Variants in DACH2 observed in about 807,000 individuals in gnomAD.
DACH2 encodes the protein dachshund family transcription factor 2.
Under a neutral mutation model 35.8 loss-of-function variants are expected in DACH2, and 17 were observed. That is an observed-to-expected ratio of 0.48 (90% CI 0.33 to 0.71). The LOEUF is 0.71. Among genes scored for constraint, DACH2 ranks in the 30% least tolerant of loss-of-function variants. DACH2 has a pLI of 0.02. For synonymous variants in DACH2, 195 were observed against 177.3 expected (o/e 1.10, Z -0.79); for missense variants, 469 against 472.7 (o/e 0.99, Z 0.07).
chrX:86,499,964 A>C (rs1238088313), intron 2 of DACH2, among the ~76,000 whole-genome samples: 1 of 111,298 alleles, frequency 9.0e-6, no homozygotes, highest in Non-Finnish European at 1.9e-5. Context: ...AGCTACCAAC[A>C]TGAGGTCCTC....
chrX:86,187,470 G>A (rs2031715534), intron 1 of DACH2, among the ~76,000 whole-genome samples: 1 of 106,358 alleles, frequency 9.4e-6, no homozygotes, highest in Admixed American at 1.0e-4. Context: ...CAGGCTAGAG[G>A]ACAGTGGTGG....
At chrX:86,700,164 T>G (rs2041124209) in intron 5 of DACH2, among the ~76,000 whole-genome samples, 1 of 111,538 alleles carries the variant, frequency 9.0e-6, no homozygotes, top group African/African-American at 3.3e-5. Context: ...TTCTGAGATT[T>G]TTTTATATTT....
chrX:86,794,926 A>C (rs183492179), intron 7 of DACH2, among the ~76,000 whole-genome samples: 1 of 111,886 alleles, frequency 8.9e-6, no homozygotes, highest in East Asian at 2.8e-4. Flanking sequence ...ATGGTGGTTG[A>C]GAATCATAGG....
At chrX:86,383,081 C>G (rs1485959757) in intron 2 of DACH2, among the ~76,000 whole-genome samples, 1 of 110,710 alleles carries the variant, frequency 9.0e-6, no homozygotes, top group Non-Finnish European at 1.9e-5. Flanking sequence ...CAGATGCTAC[C>G]TATCCTATGT....
chrX:86,399,706 G>A (rs1474680991), intron 2 of DACH2, among the ~76,000 whole-genome samples: 15 of 111,504 alleles, frequency 1.3e-4, no homozygotes, highest in Non-Finnish European at 2.4e-4. Context: ...TTGAATATTG[G>A]CCCCCACTCT....
At chrX:86,624,332 T>TA (rs1445329561) in intron 3 of DACH2, among the ~76,000 whole-genome samples, 11 of 111,925 alleles carry the variant, frequency 9.8e-5, no homozygotes, top group Admixed American at 4.8e-4. Flanking sequence ...ATTGCTTTTT[T>TA]AAAAAATGTG....
intron 11 of DACH2, among the ~76,000 whole-genome samples, chrX:86,825,434 AAAG>A (rs1274870712): frequency 9.0e-5 from 10 of 111,454 alleles, no homozygotes; most frequent in African/African-American, 2.9e-4. Flanking sequence ...AAAAAGGAAA[AAAG>A]AAGAAGAAAA....
At chrX:86,546,500 T>TTC (rs1210348147) in intron 3 of DACH2, among the ~76,000 whole-genome samples, 38 of 67,241 alleles carry the variant, frequency 5.7e-4, no homozygotes, top group Non-Finnish European at 6.4e-4. Flanking sequence ...CTTCTTCTTC[T>TTC]TTCTTTTTTT....
chrX:86,396,945 A>G (rs1344537019), intron 2 of DACH2, among the ~76,000 whole-genome samples: 4 of 110,981 alleles, frequency 3.6e-5, no homozygotes, highest in Non-Finnish European at 7.6e-5. Flanking sequence ...TGGTAGCTTG[A>G]TGGGGATGGC....
intron 3 of DACH2, among the ~76,000 whole-genome samples, chrX:86,646,840 AAT>A (rs201690083): frequency 9.2e-6 from 1 of 108,948 alleles, no homozygotes. Context: ...TAAATAAATA[AAT>A]ATATATATAG....
At chrX:86,556,679 G>A (rs1053759763) in intron 3 of DACH2, among the ~76,000 whole-genome samples, 9 of 99,463 alleles carry the variant, frequency 9.0e-5, no homozygotes, top group Non-Finnish European at 1.2e-4. Flanking sequence ...TCTGCATATG[G>A]GTCATTGGGA....
At chrX:86,159,523 T>G (rs1421134229) in intron 1 of DACH2, among the ~76,000 whole-genome samples, 1 of 112,139 alleles carries the variant, frequency 8.9e-6, no homozygotes, top group East Asian at 2.8e-4. Flanking sequence ...AATTACTCCA[T>G]AGTACATTTT....
intron 3 of DACH2, among the ~76,000 whole-genome samples, chrX:86,644,747 C>A (rs1011193070): frequency 4.5e-5 from 5 of 110,617 alleles, no homozygotes; most frequent in African/African-American, 1.6e-4. Context: ...ATAGAGAGTG[C>A]AGAAATAACA....
At chrX:86,722,421 T>C (rs184839842) in intron 6 of DACH2, among the ~76,000 whole-genome samples, 112 of 111,829 alleles carry the variant, frequency 1.0e-3, no homozygotes, top group African/African-American at 3.5e-3. Flanking sequence ...CAATTATAGC[T>C]CACTGCAGCT....
chrX:86,671,867 G>T (rs749677010), intron 4 of DACH2, among the ~76,000 whole-genome samples: 15 of 111,639 alleles, frequency 1.3e-4, no homozygotes, highest in African/African-American at 4.9e-4. Context: ...GAAGAAGACA[G>T]GAAGATGAGG....
rs889058968 is a variant in DACH2, at chrX:86,197,864, A to T, written c.488+48756A>T. ...TATCAGACAGATCATCAAGACAGAA[A>T]ATTAACAAAGATATTCAGGACCTGA... is the stretch of plus-strand genomic sequence containing the variant. On this transcript the variant is annotated intron_variant, in intron 1 of 11. Transcript: ENST00000373125. Among the ~76,000 whole-genome samples, 3 of 111,725 alleles carry T rather than the reference A, an allele frequency of 2.7e-5. No individual in the cohort carries two copies. The Admixed American group carries it at 2.9e-4, about 11-fold the overall frequency.
At chrX:86,358,199 A>G (rs1295068429) in intron 1 of DACH2, among the ~76,000 whole-genome samples, 2 of 111,375 alleles carry the variant, frequency 1.8e-5, no homozygotes, top group Admixed American at 1.9e-4. Flanking sequence ...ATATTTCTAT[A>G]TAAAATATCT....
intron 1 of DACH2, among the ~76,000 whole-genome samples, chrX:86,254,817 G>GT (rs2033484633): frequency 2.8e-5 from 2 of 71,681 alleles, no homozygotes; most frequent in Non-Finnish European, 5.5e-5. Context: ...TAGAGAGAGA[G>GT]AGAGAGAGAG....
chrX:86,562,776 T>C (rs189983312), intron 3 of DACH2, among the ~76,000 whole-genome samples: 154 of 111,607 alleles, frequency 1.4e-3, no homozygotes, highest in African/African-American at 4.6e-3. Context: ...CTTCTAGAAC[T>C]CTGCTTTTGC....
Sources: allele counts gnomAD v4.1 joint callset (sites outside exome capture counted in the v4.1 genomes callset), GRCh38; gene constraint gnomAD v4.1.1; transcripts MANE v1.5; gene names NCBI Gene and HGNC (gene_info 2026-07-23, HGNC 2026-07-21).